The following DENND5B variants were observed in gnomAD, a reference collection of about 807,000 sequenced individuals.
DENND5B encodes the protein DENN domain containing 5B.
In DENND5B, 34 loss-of-function variants were observed where a neutral mutation model predicts 140.6. The observed-to-expected ratio is 0.24, with a 90% confidence interval of 0.18 to 0.32. The LOEUF (loss-of-function observed/expected upper bound fraction) is 0.32. DENND5B is among the 10% of genes least tolerant of loss of function. DENND5B has a pLI of 1.00. For synonymous variants in DENND5B, 551 were observed against 562.1 expected, an observed-to-expected ratio of 0.98 and a Z score of 0.28; for missense variants, 1,142 against 1,560.2, an observed-to-expected ratio of 0.73 and a Z score of 4.52.
At chr12:31,545,310 G>A (rs1394001585) in intron 1 of DENND5B, among the ~76,000 whole-genome samples, 1 of 152,074 alleles carries the variant, frequency 6.6e-6, no homozygotes, top group African/African-American at 2.4e-5. Context: ...GTATAATGCT[G>A]AGGTTTGGGG....
rs1306471970 is a variant in DENND5B at position 31,447,590 on chromosome 12, T to C, written c.1809A>G (p.Ala603=). 1 of 1,613,966 alleles carries C rather than the reference T, an allele frequency of 6.2e-7. No homozygotes were observed. The highest frequency in any genetic ancestry group is 1.1e-5 in the South Asian group (1 of 91,080). Residue 603 remains alanine (A), a synonymous_variant, in exon 6 of 21, where the codon GCA becomes GCG. Transcript: ENST00000389082. ...IDKIRLYNVR[A]PTLRTSIYQK... ...GATATATAGATGTCCGCAAGGTGGG[T>C]GCCCTTACATTATACAGCCTTATCT...
At chr12:31,572,332 C>T (rs556067376) in intron 1 of DENND5B, among the ~76,000 whole-genome samples, 13 of 152,214 alleles carry the variant, frequency 8.5e-5, no homozygotes, top group African/African-American at 1.9e-4. Context: ...AATGCCCCCA[C>T]GCAAACCAAA....
At chr12:31,542,753 T>C (rs1948726067) in intron 1 of DENND5B, among the ~76,000 whole-genome samples, 1 of 152,094 alleles carries the variant, frequency 6.6e-6, no homozygotes, top group African/African-American at 2.4e-5. Context: ...CCCAGGAGTT[T>C]GAGACCAGCA....
chr12:31,536,875 G>A (rs1039519615), intron 1 of DENND5B, among the ~76,000 whole-genome samples: 5 of 152,142 alleles, frequency 3.3e-5, no homozygotes, highest in African/African-American at 1.2e-4. Flanking sequence ...CAATACATTT[G>A]GCAGCAGATT....
chr12:31,574,267 A>AAATAATAATAATAATAATAATAAT (rs60548839), intron 1 of DENND5B, among the ~76,000 whole-genome samples: 26 of 89,720 alleles, frequency 2.9e-4, no homozygotes, highest in African/African-American at 7.4e-4. Context: ...TGTCTCTAAA[A>AAATAATAATAATAATAATAATAAT]AATAATAATA....
intron 17 of DENND5B, among the ~76,000 whole-genome samples, chr12:31,397,841 T>C (rs61918603): frequency 0.052 from 7,900 of 152,046 alleles, 293 homozygotes; most frequent in Non-Finnish European, 0.081. Context: ...GGAGGATCAT[T>C]TGAACCCGGG....
At chr12:31,405,135 T>C (rs1055189885) in intron 14 of DENND5B, among the ~76,000 whole-genome samples, 9 of 152,048 alleles carry the variant, frequency 5.9e-5, no homozygotes, top group Non-Finnish European at 1.0e-4. Flanking sequence ...TGAACTGGAC[T>C]CAAGCGATCT....
chr12:31,490,216 G>A (rs1946471592), intron 2 of DENND5B, among the ~76,000 whole-genome samples: 1 of 151,198 alleles, frequency 6.6e-6, no homozygotes, highest in Admixed American at 6.6e-5. Context: ...AAATATTCTA[G>A]CTGCAATGTT....
chr12:31,464,942 T>C (rs146074561), intron 3 of DENND5B: 3 of 152,326 alleles, frequency 2.0e-5, no homozygotes, highest in East Asian at 3.9e-4. Context: ...GTAAACGTGC[T>C]TTGAGAAATT....
Position 31,413,477 on chromosome 12 carries a change from G to A in DENND5B, c.2640C>T (p.Ser880=). The change falls in exon 13 of 21, where the codon TCC becomes TCT. Residue 880 remains serine (S), a synonymous_variant. Coordinates refer to ENST00000389082, the MANE Select transcript of DENND5B (RefSeq NM_144973.4). ...IRLSLEKKLL[S]QHLKQLLSNQ... ...TAGAAAGCAACTGCTTAAGATGCTG[G>A]GACAAGAGCTTCTTTTCTAGAGACA... 1 of 1,613,780 alleles carries A rather than the reference G, an allele frequency of 6.2e-7. No individual in the cohort carries two copies. Among genetic ancestry groups the A allele is most frequent in the Non-Finnish European group, 8.5e-7 (1 of 1,179,750 alleles).
chr12:31,546,669 G>C (rs1353999538), intron 1 of DENND5B, among the ~76,000 whole-genome samples: 3 of 152,146 alleles, frequency 2.0e-5, no homozygotes, highest in Non-Finnish European at 2.9e-5. Context: ...CTGGGAGACA[G>C]AGCGAGACTC....
chr12:31,448,640 G>C (rs1158711508), intron 5 of DENND5B, among the ~76,000 whole-genome samples: 1 of 152,170 alleles, frequency 6.6e-6, no homozygotes, highest in Non-Finnish European at 1.5e-5. Flanking sequence ...GAAATCAATA[G>C]ATGAGTGTTA....
At chr12:31,566,084 G>T (rs921782089) in intron 1 of DENND5B, among the ~76,000 whole-genome samples, 7 of 152,178 alleles carry the variant, frequency 4.6e-5, no homozygotes, top group African/African-American at 1.7e-4. Flanking sequence ...GGTGGAGATG[G>T]CAGTGAGCTG....
chr12:31,493,258 T>TA (rs1196282769), intron 2 of DENND5B, among the ~76,000 whole-genome samples: 1 of 152,180 alleles, frequency 6.6e-6, no homozygotes, highest in Non-Finnish European at 1.5e-5. Flanking sequence ...CCTTTGAAAA[T>TA]ATAAGAATTC....
chr12:31,430,636 G>C (rs1409554248), intron 8 of DENND5B, among the ~76,000 whole-genome samples: 2 of 151,990 alleles, frequency 1.3e-5, no homozygotes, highest in Non-Finnish European at 2.9e-5. Context: ...ATTCCAGCCT[G>C]GCGACAGAGG....
chr12:31,468,906 T>C (rs1326713662), intron 3 of DENND5B, among the ~76,000 whole-genome samples: 2 of 151,884 alleles, frequency 1.3e-5, no homozygotes, highest in Non-Finnish European at 2.9e-5. Context: ...GTATTAGGAA[T>C]GAAAAGGAGG....
intron 11 of DENND5B, among the ~76,000 whole-genome samples, chr12:31,421,246 T>C (rs1277445065): frequency 1.3e-5 from 2 of 152,058 alleles, no homozygotes; most frequent in South Asian, 2.1e-4. Context: ...GGTTTCATCA[T>C]GTTGGCCAGG....
chr12:31,490,938 T>A (rs895881613), intron 2 of DENND5B, among the ~76,000 whole-genome samples: 1 of 152,208 alleles, frequency 6.6e-6, no homozygotes, highest in Non-Finnish European at 1.5e-5. Context: ...CTAAAATATA[T>A]TTATGATGTT....
At chr12:31,455,543 C>T (rs1944731140) in intron 4 of DENND5B, among the ~76,000 whole-genome samples, 1 of 152,128 alleles carries the variant, frequency 6.6e-6, no homozygotes. Flanking sequence ...TATAATAGGG[C>T]ATTCTGATAA....
Sources: allele counts gnomAD v4.1 joint callset (sites outside exome capture counted in the v4.1 genomes callset), GRCh38; gene constraint gnomAD v4.1.1; transcripts MANE v1.5; gene names NCBI Gene and HGNC (gene_info 2026-07-23, HGNC 2026-07-21).